The following PCYOX1 variants were observed in gnomAD, a reference collection of about 807,000 sequenced individuals.
PCYOX1 encodes the protein prenylcysteine lyase.
PCYOX1 carries 46 observed loss-of-function variants against 46.4 expected under a neutral mutation model. The ratio of observed to expected loss-of-function variants is 0.99; its 90% CI spans 0.78 to 1.27. The LOEUF (loss-of-function observed/expected upper bound fraction) is 1.27. Among genes scored for constraint, PCYOX1 ranks in the 50% most tolerant of loss-of-function variants. The pLI is 0.00. For synonymous variants in PCYOX1, 220 were observed against 231.8 expected (o/e 0.95, Z 0.46); for missense variants, 658 against 628.3 (o/e 1.05, Z -0.51).
intron 3 of PCYOX1, among the ~76,000 whole-genome samples, chr2:70,267,842 T>C (rs1696549903): frequency 1.3e-5 from 2 of 151,956 alleles, no homozygotes; most frequent in Non-Finnish European, 2.9e-5. Flanking sequence ...GACAGAGTCT[T>C]GCTCTGTCAC....
At position 70,277,126 on chromosome 2, in the gene PCYOX1, A is replaced by G. The variant is rs779689870; in HGVS notation, c.1252A>G (p.Ile418Val). ...FSQETLTKAQ[I>V]LKLFLSYDYA... is the part of the protein sequence containing the mutation. ...CCAAGAAACTCTTACTAAAGCACAA[A>G]TTTTAAAGCTCTTTCTGTCCTATGA... The change falls in exon 6 of 6, where the codon ATT (isoleucine) becomes GTT (valine). Residue 418 changes from isoleucine (I) to valine (V), a missense_variant. Ile to Val is a conservative substitution (Grantham distance 29). Transcript: ENST00000433351. 3 of 1,614,226 alleles carry G rather than the reference A, an allele frequency of 1.9e-6. No homozygotes were observed. The highest frequency in any genetic ancestry group is 1.7e-4 in the Middle Eastern group (1 of 6,060).
intron 3 of PCYOX1, among the ~76,000 whole-genome samples, chr2:70,267,818 GT>G (rs1427100468): frequency 6.6e-6 from 1 of 151,786 alleles, no homozygotes; most frequent in African/African-American, 2.4e-5. Context: ...AGGGAGAGCT[GT>G]TTTTTGTTTT....
intron 1 of PCYOX1, among the ~76,000 whole-genome samples, chr2:70,258,796 C>T (rs998822881): frequency 2.6e-5 from 4 of 152,202 alleles, no homozygotes; most frequent in Non-Finnish European, 5.9e-5. Flanking sequence ...TCTCAGAGGC[C>T]CTTGGCTTGC....
chr2:70,278,537 G>C lies in PCYOX1; in HGVS notation c.*1145G>C, dbSNP rs1696718273. The C allele has an allele frequency of 1.3e-5, 2 of 152,262 alleles. No homozygotes were observed. Among genetic ancestry groups the C allele is most frequent in the South Asian group, 4.1e-4 (2 of 4,828 alleles). 9.4% of individuals were successfully genotyped at this position (152,262 alleles called of 1,614,324 possible). On this transcript the variant is annotated 3_prime_UTR_variant, in exon 6 of 6. Coordinates refer to ENST00000433351, the MANE Select transcript of PCYOX1 (RefSeq NM_016297.4). ...AGCAGAGGCAACTTAAATAACTCCT[G>C]AGCAGTTGGCACTAGAACAGAATAC... is the stretch of plus-strand genomic sequence containing the variant.
At chr2:70,269,257 C>T (rs1204837721) in intron 3 of PCYOX1, among the ~76,000 whole-genome samples, 1 of 150,696 alleles carries the variant, frequency 6.6e-6, no homozygotes, top group African/African-American at 2.4e-5. Flanking sequence ...ACCTCTGCCT[C>T]CCAGGCTCAA....
At chr2:70,273,539 A>G (rs935810692) in intron 3 of PCYOX1, among the ~76,000 whole-genome samples, 1 of 152,202 alleles carries the variant, frequency 6.6e-6, no homozygotes, top group African/African-American at 2.4e-5. Context: ...CCCTTCCATG[A>G]TCAGTGATAG....
Position 70,280,441 on chromosome 2 carries a change from T to C in PCYOX1, c.*3049T>C, listed in dbSNP as rs1464609636. The C allele has an allele frequency of 6.6e-6, 1 of 152,116 alleles. No individual in the cohort carries two copies. Among genetic ancestry groups the C allele is most frequent in the Non-Finnish European group, 1.5e-5 (1 of 68,026 alleles). The allele number at this position is 152,116 out of a possible 1,614,324, so 9.4% of individuals were successfully genotyped here. On this transcript the variant is annotated 3_prime_UTR_variant, in exon 6 of 6. Coordinates refer to ENST00000433351, the MANE Select transcript of PCYOX1 (RefSeq NM_016297.4). ...AGCCAGCTCTGCTCCAGTGGCTCTCTGAGTTGAGCATGCATCAGTTACCTT... is the reference window on the plus strand; with the variant it reads ...AGCCAGCTCTGCTCCAGTGGCTCTCCGAGTTGAGCATGCATCAGTTACCTT...
chr2:70,258,032 C>A, upstream of PCYOX1: 1 of 601,372 alleles, frequency 1.7e-6, no homozygotes, highest in Non-Finnish European at 2.6e-6. Context: ...GAGGTCGGGG[C>A]GGGGCTCGCA....
intron 3 of PCYOX1, among the ~76,000 whole-genome samples, chr2:70,266,412 C>T (rs1190614090): frequency 5.3e-5 from 8 of 151,670 alleles, no homozygotes; most frequent in Admixed American, 5.3e-4. Context: ...GATTTTAGCC[C>T]GGAGAGACTG....
At chr2:70,273,398 G>A (rs1472100702) in intron 3 of PCYOX1, among the ~76,000 whole-genome samples, 2 of 152,152 alleles carry the variant, frequency 1.3e-5, no homozygotes, top group Non-Finnish European at 2.9e-5. Context: ...CAATAAAAAT[G>A]TGTTTAACAT....
rs111754898 is a variant in PCYOX1, at chr2:70,262,885, A to AAAAAC, written c.494+1516_494+1520dup. On this transcript the variant is annotated intron_variant, in intron 3 of 5. Transcript: ENST00000433351. ...CAGAACAAGATTCCATCTTGAGGGGAAAAACAAAACAAAACAAAACATGTC... is the reference window on the plus strand; with the variant it reads ...CAGAACAAGATTCCATCTTGAGGGGAAAAACAAAACAAAACAAAACAAAACATGTC... Among the ~76,000 whole-genome samples, 72 of 152,016 alleles carry AAAAAC rather than the reference A, an allele frequency of 4.7e-4. 1 individual carries two copies. Among genetic ancestry groups the AAAAAC allele is most frequent in the African/African-American group, 1.4e-3 (57 of 41,446 alleles).
chr2:70,277,240 T>A lies in PCYOX1; in HGVS notation c.1366T>A (p.Tyr456Asn), dbSNP rs1159505920. The change falls in exon 6 of 6, where the codon TAC becomes AAC. Residue 456 changes from tyrosine to asparagine, a missense_variant. Transcript: ENST00000433351. ...TATCATTCTCCATGATCGACTTTAT[T>A]ACCTCAATGGCATAGAGTGTGCAGC... Reference protein sequence around the residue: ...PSIILHDRLYYLNGIECAASA... With the variant: ...PSIILHDRLYNLNGIECAASA... The A allele has an allele frequency of 6.2e-7, 1 of 1,614,174 alleles. No individual in the cohort carries two copies. Among genetic ancestry groups the A allele is most frequent in the South Asian group, 1.1e-5 (1 of 91,082 alleles).
rs1696649760 is a variant in PCYOX1 at position 70,274,986 on chromosome 2, T to C, written c.522T>C (p.Tyr174=). 1.2e-6 allele frequency: 2 copies of C among 1,610,372 alleles called. No homozygotes were observed. Among genetic ancestry groups the C allele is most frequent in the Non-Finnish European group, 8.5e-7 (1 of 1,176,512 alleles). The part of the protein sequence containing the change: ...MRIYRYQSHD[Y]AFSSVEKLLH... Reference sequence around the variant, plus strand: ...TCTACCGCTACCAGTCTCATGACTATGCCTTCAGTAGTGTCGAAAAATTAC... The same window carrying C: ...TCTACCGCTACCAGTCTCATGACTACGCCTTCAGTAGTGTCGAAAAATTAC... Residue 174 remains tyrosine, a synonymous_variant, in exon 4 of 6, where the codon TAT becomes TAC. Transcript: ENST00000433351.
chr2:70,263,537 T>C (rs977472521), intron 3 of PCYOX1, among the ~76,000 whole-genome samples: 15 of 152,206 alleles, frequency 9.9e-5, no homozygotes, highest in African/African-American at 3.4e-4. Flanking sequence ...CAAGGAAATA[T>C]ATAGAATTTG....
rs1337631069 is a variant in PCYOX1 at position 70,281,107 on chromosome 2, C to T, written c.*3715C>T. 1 of 152,266 alleles carries T rather than the reference C, an allele frequency of 6.6e-6. No individual in the cohort carries two copies. The highest frequency in any genetic ancestry group is 1.5e-5 in the Non-Finnish European group (1 of 68,096). The allele number at this position is 152,266 out of a possible 1,614,324, so 9.4% of individuals were successfully genotyped here. A position where few individuals can be genotyped will look rare whatever the true frequency, so the allele number is the denominator to read the frequency against. ...CCATGATACACTGGAATGTTTTTCT[C>T]TGGAATCCTCTTTCTACTCTTGTAT... On this transcript the variant is annotated 3_prime_UTR_variant, in exon 6 of 6. Coordinates refer to ENST00000433351, the MANE Select transcript of PCYOX1 (RefSeq NM_016297.4).
intron 3 of PCYOX1, among the ~76,000 whole-genome samples, chr2:70,265,842 A>G (rs890242336): frequency 2.2e-4 from 34 of 152,306 alleles, no homozygotes; most frequent in Middle Eastern, 3.4e-3. Context: ...GAAAGGCTTT[A>G]TAAACACCCT....
Position 70,277,840 on chromosome 2 carries a change from G to C in PCYOX1, c.*448G>C, listed in dbSNP as rs7595934. 111,337 of 153,622 alleles carry C rather than the reference G, an allele frequency of 0.72. 40,909 individuals are homozygous for C. The highest frequency in any genetic ancestry group is 0.84 in the African/African-American group (34,751 of 41,540). The allele number at this position is 153,622 out of a possible 1,614,324, so 9.5% of individuals were successfully genotyped here. ...GATTCAGTAGGTCTGGGAGTGGCGC[G>C]CTGGATTTTGATCAAAATTGTAGAG... On this transcript the variant is annotated 3_prime_UTR_variant, in exon 6 of 6. Transcript: ENST00000433351.
chr2:70,280,521 A>G lies in PCYOX1; in HGVS notation c.*3129A>G, dbSNP rs1376956090. On this transcript the variant is annotated 3_prime_UTR_variant, in exon 6 of 6. Transcript: ENST00000433351. ...ACCCTGTTTATTCAATAAGTTTGTTATGGGATATAAGAAGATGCATTTTAT... is the reference window on the plus strand; with the variant it reads ...ACCCTGTTTATTCAATAAGTTTGTTGTGGGATATAAGAAGATGCATTTTAT... 1 of 152,202 alleles carries G rather than the reference A, an allele frequency of 6.6e-6. No homozygotes were observed. Among genetic ancestry groups the G allele is most frequent in the Non-Finnish European group, 1.5e-5 (1 of 68,040 alleles). The allele number at this position is 152,202 out of a possible 1,614,324, so 9.4% of individuals were successfully genotyped here.
At chr2:70,260,781 C>T (rs1057216680) in intron 2 of PCYOX1, among the ~76,000 whole-genome samples, 1 of 152,190 alleles carries the variant, frequency 6.6e-6, no homozygotes, top group Non-Finnish European at 1.5e-5. Flanking sequence ...GGAAGTGCCT[C>T]AGCTGCCTTC....
Sources: allele counts gnomAD v4.1 joint callset (sites outside exome capture counted in the v4.1 genomes callset), GRCh38; gene constraint gnomAD v4.1.1; transcripts MANE v1.5; gene names NCBI Gene and HGNC (gene_info 2026-07-23, HGNC 2026-07-21).